ATP5F1C: variants seen among roughly 807,000 people sequenced by gnomAD.
The protein encoded by ATP5F1C is ATP synthase F1 subunit gamma.
A neutral mutation model predicts 37.4 loss-of-function variants in ATP5F1C; 22 were observed. That is an observed-to-expected ratio of 0.59 (90% CI 0.42 to 0.84). The LOEUF is 0.84. ATP5F1C is among the 40% of genes least tolerant of loss of function. The pLI is 0.00. For synonymous variants in ATP5F1C, 121 were observed against 128.0 expected, an observed-to-expected ratio of 0.95 and a Z score of 0.37; for missense variants, 286 against 362.4, an observed-to-expected ratio of 0.79 and a Z score of 1.71.
chr10:7,796,424 T>C (rs567539146), intron 2 of ATP5F1C: 456 of 290,824 alleles, frequency 1.6e-3, no homozygotes, highest in Non-Finnish European at 1.4e-3. Flanking sequence ...GGTGTATGTG[T>C]GGGAAGGGGT....
rs968750465 is a variant in ATP5F1C at position 7,797,316 on chromosome 10, A to C, written c.223+138A>C. 2.8e-6 allele frequency: 3 copies of C among 1,083,288 alleles called. No individual in the cohort carries two copies. In the East Asian group the frequency reaches 7.7e-5, roughly 28 times the overall value. The allele number at this position is 1,083,288 out of a possible 1,614,324, so 67.1% of individuals were successfully genotyped here. On this transcript the variant is annotated intron_variant, in intron 3 of 9. Coordinates refer to ENST00000356708, the MANE Select transcript of ATP5F1C (RefSeq NM_001001973.3). ...ATGTACTTATTTTTCATCTACATCC[A>C]CTTGACACGTAATGATAACAACCCG...
At chr10:7,802,598 A>G (rs1564334324) in intron 7 of ATP5F1C, among the ~76,000 whole-genome samples, 160 bp from the exon 8 acceptor site, 1 of 152,250 alleles carries the variant, frequency 6.6e-6, no homozygotes, top group Non-Finnish European at 1.5e-5. Context: ...GTGAAAAGGT[A>G]TCCTATGGAA....
intron 9 of ATP5F1C, 118 bp downstream of exon 9, chr10:7,807,128 TCA>T: frequency 1.1e-6 from 1 of 946,650 alleles, no homozygotes; most frequent in Non-Finnish European, 1.5e-6. Context: ...ATGGGCCACT[TCA>T]CAGTAGCAGC....
rs535223381 is a variant in ATP5F1C, at chr10:7,800,726, C to G, written c.637+635C>G. On this transcript the variant is annotated intron_variant, in intron 6 of 9. Coordinates refer to ENST00000356708, the MANE Select transcript of ATP5F1C (RefSeq NM_001001973.3). ...GCCAGGCTGGTCTTGAACTCCTGCC[C>G]TCAAGTGATCCACCTGCCTTGGCCT... 2.6e-5 allele frequency among the ~76,000 whole-genome samples: 4 copies of G among 151,922 alleles called. No individual in the cohort carries two copies. In the South Asian group the frequency reaches 8.3e-4, roughly 32 times the overall value.
Position 7,788,179 on chromosome 10 carries a change from G to A in ATP5F1C, c.-29G>A, listed in dbSNP as rs1328240192. ...GGCGCATGCGCGCTGAGGCCTGCCT[G>A]ACCGACCTTCAGCAGGGCTGTGGCT... On this transcript the variant is annotated 5_prime_UTR_variant, in exon 1 of 10. Transcript: ENST00000356708. 2 of 1,612,120 alleles carry A rather than the reference G, an allele frequency of 1.2e-6. No individual in the cohort carries two copies. Among genetic ancestry groups the A allele is most frequent in the Admixed American group, 1.7e-5 (1 of 59,968 alleles).
At chr10:7,795,348 T>C (rs540470357) in intron 1 of ATP5F1C, among the ~76,000 whole-genome samples, 6 of 152,276 alleles carry the variant, frequency 3.9e-5, no homozygotes, top group African/African-American at 7.2e-5. Context: ...ACAGGCACTT[T>C]GTATGGATTT....
intron 2 of ATP5F1C, 50 bp from the exon 3 acceptor site, chr10:7,796,997 G>A (rs1191120345): frequency 6.3e-7 from 1 of 1,577,072 alleles, no homozygotes; most frequent in Admixed American, 1.8e-5. Context: ...AATTCACAAG[G>A]AAGTTATACT....
At chr10:7,801,875 T>G (rs1444455942) in intron 6 of ATP5F1C, among the ~76,000 whole-genome samples, 1 of 152,240 alleles carries the variant, frequency 6.6e-6, no homozygotes, top group Non-Finnish European at 1.5e-5. Flanking sequence ...TCAACCTGTA[T>G]TACACTAAAT....
chr10:7,804,155 G>A (rs746456532), intron 8 of ATP5F1C: 2 of 519,000 alleles, frequency 3.9e-6, no homozygotes, highest in East Asian at 1.1e-4. Context: ...AGGGATATAA[G>A]AAAAAGGAGA....
intron 8 of ATP5F1C, chr10:7,804,202 C>A (rs537775323): frequency 1.2e-5 from 6 of 518,790 alleles, no homozygotes; most frequent in Non-Finnish European, 2.3e-5. Flanking sequence ...AGAATACTTG[C>A]TGTGTGGCCC....
intron 4 of ATP5F1C, 189 bp downstream of exon 4, chr10:7,799,383 G>A (rs1466659444): frequency 5.0e-6 from 3 of 594,376 alleles, no homozygotes; most frequent in Non-Finnish European, 8.7e-6. Context: ...GAACATTTCT[G>A]TTTTCCTTCC....
chr10:7,796,607 T>C (rs1382258799), intron 2 of ATP5F1C: 2 of 151,662 alleles, frequency 1.3e-5, no homozygotes, highest in African/African-American at 2.5e-5. Flanking sequence ...TTTTTGGAGA[T>C]GGAGCCTCAT....
chr10:7,807,426 C>T (rs548401039), intron 9 of ATP5F1C, among the ~76,000 whole-genome samples: 2 of 152,128 alleles, frequency 1.3e-5, no homozygotes, highest in South Asian at 2.1e-4. Context: ...ACTGTATACT[C>T]GAGAATGAGA....
intron 1 of ATP5F1C, among the ~76,000 whole-genome samples, chr10:7,794,972 G>C (rs1836215583): frequency 6.6e-6 from 1 of 152,126 alleles, no homozygotes; most frequent in East Asian, 1.9e-4. Flanking sequence ...CTGAGGCTGT[G>C]GCAGCCTACA....
intron 6 of ATP5F1C, 35 bp downstream of exon 6, chr10:7,800,126 A>G (rs755567231): frequency 4.4e-6 from 7 of 1,591,576 alleles, no homozygotes; most frequent in Non-Finnish European, 5.2e-6. Flanking sequence ...ATTTTTTGGC[A>G]TATAGAATGG....
intron 2 of ATP5F1C, 193 bp from the exon 3 acceptor site, chr10:7,796,854 G>C: frequency 6.2e-6 from 3 of 485,394 alleles, no homozygotes; most frequent in East Asian, 4.0e-5. Context: ...AAAGTGCTGG[G>C]ATTACAGGCG....
intron 8 of ATP5F1C, chr10:7,804,219 G>GA: frequency 1.9e-6 from 1 of 517,614 alleles, no homozygotes. Flanking sequence ...GCCCTTCACC[G>GA]AAAAAATTTG....
chr10:7,802,535 T>A lies in ATP5F1C; in HGVS notation c.793+110T>A, dbSNP rs1301545013. On this transcript the variant is annotated intron_variant, in intron 7 of 9. Coordinates refer to ENST00000356708, the MANE Select transcript of ATP5F1C (RefSeq NM_001001973.3). ...TAGCATCAACAACATTAACATGATA[T>A]TCCTGTACCTGTAAGAAAGTATATC... The A allele has an allele frequency of 3.8e-6, 5 of 1,309,782 alleles. No homozygotes were observed. The East Asian group carries it at 1.2e-4, about 30-fold the overall frequency. The allele number at this position is 1,309,782 out of a possible 1,614,324, so 81.1% of individuals were successfully genotyped here.
intron 1 of ATP5F1C, among the ~76,000 whole-genome samples, chr10:7,792,416 T>C (rs1479587044): frequency 1.3e-5 from 2 of 152,182 alleles, no homozygotes; most frequent in Non-Finnish European, 2.9e-5. Context: ...TCCACTCTTT[T>C]TGTTATACAG....
Sources: gnomAD v4.1 joint callset for allele counts (sites outside exome capture counted in the v4.1 genomes callset) on GRCh38, gnomAD v4.1.1 for gene constraint, MANE v1.5 for transcripts, NCBI Gene and HGNC (gene_info 2026-07-23, HGNC 2026-07-21) for gene names.